Variants in EBI3 observed in about 807,000 individuals in gnomAD.
EBI3 encodes the protein Epstein-Barr virus induced 3, also known as interleukin-27 subunit beta.
EBI3 carries 19 observed loss-of-function variants against 21.3 expected under a neutral mutation model. The ratio of observed to expected loss-of-function variants is 0.89; its 90% CI spans 0.62 to 1.31. EBI3 has a LOEUF of 1.31. EBI3 is among the 50% of genes most tolerant of loss of function. The probability of loss-of-function intolerance (pLI) is 0.00; values close to 1 mark genes in which losing one functional copy is unlikely to be tolerated. For missense variants in EBI3, 331 were observed against 314.0 expected (o/e 1.05, Z -0.41); for synonymous variants, 154 against 131.2 (o/e 1.17, Z -1.19).
Position 4,233,261 on chromosome 19 carries a change from CT to C in EBI3, c.334del (p.Trp112GlyfsTer11). 1 of 1,564,586 alleles carries C rather than the reference CT, an allele frequency of 6.4e-7. No homozygotes were observed. On this transcript the variant is annotated frameshift_variant, in exon 3 of 5. Transcript: ENST00000221847. LOFTEE classifies it high-confidence loss of function. Reference sequence around the variant, plus strand: ...TGCTCAATGTCACCGCCGTCCACCCCTGGGGCTCCAGCAGCAGCTTCGTGCC... The same window carrying C: ...TGCTCAATGTCACCGCCGTCCACCCCGGGGCTCCAGCAGCAGCTTCGTGCC... ...YVLNVTAVHP[W>X]GSSSSFVPFI...
rs1555723626 is a variant in EBI3, at chr19:4,233,090, G to A, written c.201-39G>A. The A allele has an allele frequency of 2.4e-5, 36 of 1,499,206 alleles. No homozygotes were observed. In the South Asian group the frequency reaches 4.3e-4, roughly 18 times the overall value. 92.9% of individuals were successfully genotyped at this position (1,499,206 alleles called of 1,614,324 possible). A position where few individuals can be genotyped will look rare whatever the true frequency, so the allele number is the denominator to read the frequency against. The stretch of plus-strand genomic sequence containing the variant: ...GCAGTAGGAGGTGCTGAGGCCACAG[G>A]CACTCCCTGAGGCGCTCAGCGAGCC... On this transcript the variant is annotated intron_variant, in intron 2 of 4. Coordinates refer to ENST00000221847, the MANE Select transcript of EBI3 (RefSeq NM_005755.3).
At chr19:4,232,728 G>GAATGAATGAATGAAGGGATGAATT (rs879869679) in intron 2 of EBI3, among the ~76,000 whole-genome samples, 1 of 150,954 alleles carries the variant, frequency 6.6e-6, no homozygotes, top group Middle Eastern at 3.4e-3. Context: ...TGTCATGAAT[G>GAATGAATGAATGAAGGGATGAATT]AATGAATGAA....
In EBI3 at chr19:4,231,176, T is replaced by A; in HGVS notation, c.68-15T>A. On this transcript the variant is annotated splice_polypyrimidine_tract_variant and intron_variant, in intron 1 of 4. Coordinates refer to ENST00000221847, the MANE Select transcript of EBI3 (RefSeq NM_005755.3). ...GGGGGTAAACCAGAAGCTCACTCTT[T>A]CTGTCTTCCTCCAGGGCCCCCAGCA... The A allele has an allele frequency of 1.3e-6, 2 of 1,562,166 alleles. No individual in the cohort carries two copies. The highest frequency in any genetic ancestry group is 1.7e-6 in the Non-Finnish European group (2 of 1,156,960).
intron 4 of EBI3, among the ~76,000 whole-genome samples, chr19:4,236,034 G>C (rs1010638735): frequency 1.3e-5 from 2 of 152,090 alleles, no homozygotes; most frequent in Non-Finnish European, 1.5e-5. Flanking sequence ...GATCACTTGA[G>C]GTCAGGTGAA....
At chr19:4,234,002 T>C (rs561177394) in intron 3 of EBI3, among the ~76,000 whole-genome samples, 2 of 152,024 alleles carry the variant, frequency 1.3e-5, no homozygotes, top group African/African-American at 4.8e-5. Flanking sequence ...GTCAGGAGTT[T>C]GAGACCAGTC....
chr19:4,232,743 GGGAT>G (rs1970797357), intron 2 of EBI3, among the ~76,000 whole-genome samples: 2 of 132,836 alleles, frequency 1.5e-5, no homozygotes, highest in African/African-American at 5.5e-5. Context: ...AATGAATGAA[GGGAT>G]GAATTAATGA....
chr19:4,233,123 G>C lies in EBI3; in HGVS notation c.201-6G>C. 2 of 1,585,764 alleles carry C rather than the reference G, an allele frequency of 1.3e-6. No homozygotes were observed. The highest frequency in any genetic ancestry group is 1.7e-6 in the Non-Finnish European group (2 of 1,172,840). On this transcript the variant is annotated splice_polypyrimidine_tract_variant and splice_region_variant and intron_variant, in intron 2 of 4. Coordinates refer to ENST00000221847, the MANE Select transcript of EBI3 (RefSeq NM_005755.3). ...TGAGGCGCTCAGCGAGCCCCACCCT[G>C]TGCAGGCTCGGCATGGCTGCCCGGG...
At position 4,234,770 on chromosome 19, in the gene EBI3, C is replaced by T; in HGVS notation, c.483C>T (p.Phe161=). The T allele has an allele frequency of 6.2e-7, 1 of 1,614,156 alleles. No individual in the cohort carries two copies. Among genetic ancestry groups the T allele is most frequent in the South Asian group, 1.1e-5 (1 of 91,090 alleles). The part of the protein sequence containing the change: ...PPGSWPFPEI[F]SLKYWIRYKR... ...GGTCCTGGCCCTTCCCAGAGATCTT[C>T]TCACTGAAGTACTGGATCCGTTACA... The change falls in exon 4 of 5, where the codon TTC becomes TTT. Residue 161 remains phenylalanine, a synonymous_variant. Transcript: ENST00000221847.
intron 4 of EBI3, 109 bp from the exon 5 acceptor site, chr19:4,236,827 G>A (rs1232129845): frequency 2.1e-5 from 27 of 1,286,666 alleles, no homozygotes; most frequent in Non-Finnish European, 2.8e-5. Flanking sequence ...GTCCTGGACT[G>A]GAGCCTGCAG....
At chr19:4,236,518 CAAAAAAAA>C (rs4009634) in intron 4 of EBI3, among the ~76,000 whole-genome samples, 5 of 30,504 alleles carry the variant, frequency 1.6e-4, no homozygotes, top group East Asian at 1.6e-3. Flanking sequence ...AAGACTGTCT[CAAAAAAAA>C]AAAAAAAAAA....
intron 3 of EBI3, among the ~76,000 whole-genome samples, chr19:4,233,811 C>G (rs897365538): frequency 5.3e-5 from 8 of 152,194 alleles, no homozygotes; most frequent in African/African-American, 1.9e-4. Flanking sequence ...CCTGGAACAC[C>G]TTCCCCCAAA....
Position 4,233,276 on chromosome 19 carries a change from C to T in EBI3, c.348C>T (p.Ser116=), listed in dbSNP as rs141297194. 3.7e-5 allele frequency: 59 copies of T among 1,611,724 alleles called. No homozygotes were observed. The African/African-American group carries it at 7.1e-4, about 19-fold the overall frequency. The change falls in exon 3 of 5, where the codon AGC becomes AGT. Residue 116 remains serine (S), a synonymous_variant. Coordinates refer to ENST00000221847, the MANE Select transcript of EBI3 (RefSeq NM_005755.3). ...VTAVHPWGSS[S]SFVPFITEHI... ...CCGTCCACCCCTGGGGCTCCAGCAG[C>T]AGCTTCGTGCCTTTCATAACAGAGC...
chr19:4,233,330 G>T, intron 3 of EBI3, 23 bp downstream of exon 3: 1 of 1,546,548 alleles, frequency 6.5e-7, no homozygotes, highest in African/African-American at 1.4e-5. Flanking sequence ...GGCAGTGGGG[G>T]CGGGGGCGGG....
At chr19:4,231,536 G>A (rs1306398828) in intron 2 of EBI3, among the ~76,000 whole-genome samples, 1 of 152,174 alleles carries the variant, frequency 6.6e-6, no homozygotes, top group Non-Finnish European at 1.5e-5. Context: ...TTGGGAGGCC[G>A]AGGTGGGCAG....
intron 2 of EBI3, among the ~76,000 whole-genome samples, chr19:4,231,665 G>T (rs1020048166): frequency 6.7e-6 from 1 of 149,858 alleles, no homozygotes; most frequent in African/African-American, 2.5e-5. Flanking sequence ...CAGCTACTCC[G>T]GAGGCTGAGG....
At chr19:4,232,885 G>A (rs942858623) in intron 2 of EBI3, 8 of 423,274 alleles carry the variant, frequency 1.9e-5, no homozygotes, top group South Asian at 6.5e-5. Flanking sequence ...TTAGAATCCC[G>A]GACCCTAGCA....
At chr19:4,231,403 T>C in intron 2 of EBI3, 80 bp downstream of exon 2, 3 of 1,454,394 alleles carry the variant, frequency 2.1e-6, no homozygotes, top group African/African-American at 1.4e-5. Context: ...AGCCCTGGGG[T>C]CAGGAAAACT....
intron 4 of EBI3, 27 bp from the exon 5 acceptor site, chr19:4,236,909 G>C (rs781528103): frequency 2.0e-6 from 3 of 1,475,438 alleles, no homozygotes; most frequent in Non-Finnish European, 1.8e-6. Context: ...TCTGGTTCTA[G>C]TGACCTGACG....
intron 1 of EBI3, among the ~76,000 whole-genome samples, chr19:4,229,963 C>G (rs1394069314): frequency 6.6e-6 from 1 of 152,062 alleles, no homozygotes; most frequent in African/African-American, 2.4e-5. Context: ...ACTCTGTCGC[C>G]CAGGCTGGAG....
Sources: allele counts gnomAD v4.1 joint callset (sites outside exome capture counted in the v4.1 genomes callset), GRCh38; gene constraint gnomAD v4.1.1; transcripts MANE v1.5; gene names NCBI Gene and HGNC (gene_info 2026-07-23, HGNC 2026-07-21).